PAPPA: variants seen among roughly 807,000 people sequenced by gnomAD.
PAPPA encodes pappalysin-1.
PAPPA carries 60 observed loss-of-function variants against 164.0 expected under a neutral mutation model. The observed-to-expected ratio is 0.37, with a 90% CI of 0.30 to 0.45. The LOEUF (loss-of-function observed/expected upper bound fraction) is 0.45, where lower values mean the gene tolerates loss of function less well. Ranked by LOEUF, PAPPA falls within the 20% of genes least tolerant of loss-of-function variation. The probability of loss-of-function intolerance (pLI) is 1.00; values close to 1 mark genes in which losing one functional copy is unlikely to be tolerated. For missense variants in PAPPA, 1,782 were observed against 2,087.3 expected, an observed-to-expected ratio of 0.85 and a Z score of 2.85; for synonymous variants, 875 against 814.1, an observed-to-expected ratio of 1.07 and a Z score of -1.27.
At chr9:116,262,128 T>A (rs1481213978) in intron 7 of PAPPA, among the ~76,000 whole-genome samples, 2 of 151,526 alleles carry the variant, frequency 1.3e-5, no homozygotes, top group African/African-American at 2.4e-5. Context: ...GGTGGGAGGA[T>A]TGGTTGAGCC....
chr9:116,260,704 A>G (rs1268431610), intron 7 of PAPPA, among the ~76,000 whole-genome samples: 1 of 152,160 alleles, frequency 6.6e-6, no homozygotes, highest in African/African-American at 2.4e-5. Flanking sequence ...GGATTGCAGA[A>G]CTAATCATCA....
intron 7 of PAPPA, among the ~76,000 whole-genome samples, chr9:116,258,827 A>G (rs916369661): frequency 6.6e-6 from 1 of 152,188 alleles, no homozygotes; most frequent in African/African-American, 2.4e-5. Flanking sequence ...TCCTTATTTC[A>G]CATCATTTAA....
At chr9:116,341,326 C>T (rs975766715) in intron 13 of PAPPA, among the ~76,000 whole-genome samples, 11 of 152,116 alleles carry the variant, frequency 7.2e-5, no homozygotes, top group African/African-American at 2.4e-4. Context: ...AGGTGTGAGC[C>T]ACCACACCCG....
At chr9:116,175,703 A>G (rs1316454023) in intron 1 of PAPPA, among the ~76,000 whole-genome samples, 3 of 152,144 alleles carry the variant, frequency 2.0e-5, no homozygotes, top group Non-Finnish European at 2.9e-5. Context: ...ATAGTGATAC[A>G]GGGTGGTGAT....
intron 10 of PAPPA, among the ~76,000 whole-genome samples, chr9:116,324,282 C>T (rs74816046): frequency 0.029 from 4,425 of 152,234 alleles, 255 homozygotes; most frequent in East Asian, 0.28. Context: ...AATTACTGGG[C>T]CTCGATTTTG....
Position 116,187,213 on chromosome 9 carries a change from A to G in PAPPA, c.475A>G (p.Thr159Ala). Reference protein sequence around the residue: ...RDRGWVVGIHTISDQDNKDPR... With the variant: ...RDRGWVVGIHAISDQDNKDPR... ...CCGAGGATGGGTCGTGGGCATTCAC[A>G]CCATCAGTGACCAAGACAACAAAGA... Residue 159 changes from threonine to alanine, a missense_variant, in exon 2 of 22, where the codon ACC becomes GCC. Thr to Ala is a moderately conservative substitution (Grantham distance 58). This residue lies in a region of PAPPA where 458 missense variants were observed against 430.3 expected (regional missense o/e 1.06). Transcript: ENST00000328252. This position sits in a 1 kb window ranked among gnomAD's most constrained non-coding sequence, Gnocchi z 4.2. 2 of 1,614,136 alleles carry G rather than the reference A, an allele frequency of 1.2e-6. No homozygotes were observed. Among genetic ancestry groups the G allele is most frequent in the Non-Finnish European group, 8.5e-7 (1 of 1,180,030 alleles).
intron 5 of PAPPA, among the ~76,000 whole-genome samples, chr9:116,220,685 G>A (rs1229478604): frequency 2.6e-5 from 4 of 151,606 alleles, no homozygotes; most frequent in East Asian, 1.9e-4. Flanking sequence ...TCAGGAGTTC[G>A]AGACCAGCCT....
intron 10 of PAPPA, among the ~76,000 whole-genome samples, chr9:116,312,669 C>T (rs1845735315): frequency 6.6e-6 from 1 of 152,138 alleles, no homozygotes; most frequent in Non-Finnish European, 1.5e-5. Context: ...TTTCAAGTCC[C>T]CTCGTCTCTA....
intron 9 of PAPPA, among the ~76,000 whole-genome samples, chr9:116,277,596 A>G (rs1023691039): frequency 1.3e-5 from 2 of 152,220 alleles, no homozygotes; most frequent in Non-Finnish European, 2.9e-5. Context: ...AGCATTTAAA[A>G]TGGTGACACC....
Position 116,332,423 on chromosome 9 carries a change from A to G in PAPPA, c.3352A>G (p.Ile1118Val), listed in dbSNP as rs1460610385. The G allele has an allele frequency of 1.2e-6, 2 of 1,614,098 alleles. No individual in the cohort carries two copies. Among genetic ancestry groups the G allele is most frequent in the African/African-American group, 2.7e-5 (2 of 75,068 alleles). Residue 1118 changes from isoleucine (I) to valine (V), a missense_variant, in exon 12 of 22, where the codon ATC becomes GTC. By Grantham distance (29) the Ile-to-Val change is conservative. Coordinates refer to ENST00000328252, the MANE Select transcript of PAPPA (RefSeq NM_002581.5). Reference sequence around the variant, plus strand: ...TTATGGGGACCAAAAGCAGGAGACCATCAGCGTGCAGCTGCTTGATACCAA... The same window carrying G: ...TTATGGGGACCAAAAGCAGGAGACCGTCAGCGTGCAGCTGCTTGATACCAA... ...TYYGDQKQETISVQLLDTKDQ... is the reference protein window; with the variant it reads ...TYYGDQKQETVSVQLLDTKDQ...
chr9:116,383,376 G>A (rs1846758273), intron 21 of PAPPA, among the ~76,000 whole-genome samples: 1 of 152,134 alleles, frequency 6.6e-6, no homozygotes, highest in Non-Finnish European at 1.5e-5. Flanking sequence ...TTAAAGAAGG[G>A]GGAACTGAGT....
chr9:116,223,144 A>G (rs620395), intron 5 of PAPPA, among the ~76,000 whole-genome samples: 67,990 of 152,016 alleles, frequency 0.45, 15,687 homozygotes, highest in East Asian at 0.64. Flanking sequence ...TATGCTCTGT[A>G]GAAATTCCCC....
rs545782980 is a variant in PAPPA, at chr9:116,198,607, A to G, written c.1479-8849A>G. On this transcript the variant is annotated intron_variant, in intron 2 of 21. Coordinates refer to ENST00000328252, the MANE Select transcript of PAPPA (RefSeq NM_002581.5). Reference sequence around the variant, plus strand: ...CCAAGGTGCTGAGCGAACACAGAGAATGGCTACCTGACTCAGACATCGGGG... The same window carrying G: ...CCAAGGTGCTGAGCGAACACAGAGAGTGGCTACCTGACTCAGACATCGGGG... Among the ~76,000 whole-genome samples the G allele has an allele frequency of 6.6e-5, 10 of 152,332 alleles. No individual in the cohort carries two copies. In the South Asian group the frequency reaches 2.1e-3, roughly 32 times the overall value.
At position 116,154,235 on chromosome 9, in the gene PAPPA, G is replaced by A. The variant is rs1266063470; in HGVS notation, c.63G>A (p.Leu21=). ...TGAGCGCCGCGCTGGGCTGCGGGCT[G>A]GCCGAGCGTCCCCGCCGGGCCCGGA... ...GLLSAALGCG[L]AERPRRARRD... The change falls in exon 1 of 22, where the codon CTG becomes CTA. Residue 21 remains leucine, a synonymous_variant. Coordinates refer to ENST00000328252, the MANE Select transcript of PAPPA (RefSeq NM_002581.5). The surrounding 1 kb of genome is among the most constrained non-coding windows in gnomAD (Gnocchi z 5.2). 2 of 1,424,560 alleles carry A rather than the reference G, an allele frequency of 1.4e-6. No individual in the cohort carries two copies. The highest frequency in any genetic ancestry group is 9.2e-7 in the Non-Finnish European group (1 of 1,083,996). The allele number at this position is 1,424,560 out of a possible 1,614,324, so 88.2% of individuals were successfully genotyped here. A position where few individuals can be genotyped will look rare whatever the true frequency, so the allele number is the denominator to read the frequency against.
intron 7 of PAPPA, among the ~76,000 whole-genome samples, chr9:116,238,078 C>T (rs975864202): frequency 3.9e-5 from 6 of 152,010 alleles, no homozygotes; most frequent in Non-Finnish European, 7.4e-5. Context: ...TTGCCTGGGT[C>T]TCACTTGTAT....
Position 116,344,823 on chromosome 9 carries a change from T to C in PAPPA, c.3780+112T>C, listed in dbSNP as rs183221041. ...CAGCACTTAAAATAGTGCTGCCACATAGTAGGTGCTCAATAAATATTTATT... is the reference window on the plus strand; with the variant it reads ...CAGCACTTAAAATAGTGCTGCCACACAGTAGGTGCTCAATAAATATTTATT... On this transcript the variant is annotated intron_variant, in intron 14 of 21. Coordinates refer to ENST00000328252, the MANE Select transcript of PAPPA (RefSeq NM_002581.5). 246 of 764,010 alleles carry C rather than the reference T, an allele frequency of 3.2e-4. 2 individuals carry two copies. The East Asian group carries it at 5.8e-3, about 18-fold the overall frequency. The allele number at this position is 764,010 out of a possible 1,614,324, so 47.3% of individuals were successfully genotyped here. A position where few individuals can be genotyped will look rare whatever the true frequency, so the allele number is the denominator to read the frequency against.
At chr9:116,341,870 A>C (rs1846142452) in intron 13 of PAPPA, among the ~76,000 whole-genome samples, 1 of 152,260 alleles carries the variant, frequency 6.6e-6, no homozygotes, top group African/African-American at 2.4e-5. Flanking sequence ...ATGTTATATA[A>C]GTTTCCAAAG....
chr9:116,284,089 G>A (rs1045207404), intron 9 of PAPPA, among the ~76,000 whole-genome samples: 1 of 152,104 alleles, frequency 6.6e-6, no homozygotes, highest in Non-Finnish European at 1.5e-5. Context: ...TATGTGCCAG[G>A]TTCATGCTAG....
intron 2 of PAPPA, among the ~76,000 whole-genome samples, chr9:116,199,990 G>A (rs1045364105): frequency 5.3e-5 from 8 of 152,126 alleles, no homozygotes; most frequent in African/African-American, 1.9e-4. Flanking sequence ...CCATTCTTAA[G>A]GGATCTGCCC....
Sources: allele counts gnomAD v4.1 joint callset (sites outside exome capture counted in the v4.1 genomes callset), GRCh38; gene constraint gnomAD v4.1.1; regional missense constraint gnomAD v4.1.1; non-coding constraint Gnocchi (gnomAD v3.1); transcripts MANE v1.5; gene names NCBI Gene and HGNC (gene_info 2026-07-23, HGNC 2026-07-21).